FSHR: variants seen among roughly 807,000 people sequenced by gnomAD.
FSHR encodes the protein follicle-stimulating hormone receptor.
FSHR carries 46 observed loss-of-function variants against 52.1 expected under a neutral mutation model. That is an observed-to-expected ratio of 0.88 (90% CI 0.70 to 1.13). The LOEUF is 1.13. Ranked by LOEUF, FSHR falls within the 50% of genes most tolerant of loss-of-function variation. The pLI is 0.00. For synonymous variants in FSHR, 399 were observed against 309.6 expected (o/e 1.29, Z -3.03); for missense variants, 964 against 834.6 (o/e 1.16, Z -1.91).
At chr2:49,118,465 G>A (rs747545282) in intron 1 of FSHR, among the ~76,000 whole-genome samples, 3 of 152,198 alleles carry the variant, frequency 2.0e-5, no homozygotes, top group East Asian at 1.9e-4. Flanking sequence ...CAGTGGGACC[G>A]GAGAGGTGTC....
rs70946839 is a variant in FSHR at position 48,985,697 on chromosome 2, G to GTTTTTTTTTTTTTTT, written c.525-2546_525-2532dup. On this transcript the variant is annotated intron_variant, in intron 6 of 9. Coordinates refer to ENST00000406846, the MANE Select transcript of FSHR (RefSeq NM_000145.4). ...TTCAGTTTCAGGGGAGCAAGTACAG[G>GTTTTTTTTTTTTTTT]TTTTTTTTTTTTTTTTTTTTTTTTT... 1.8e-4 allele frequency among the ~76,000 whole-genome samples: 18 copies of GTTTTTTTTTTTTTTT among 99,540 alleles called. 8 individuals are homozygous for GTTTTTTTTTTTTTTT. Among genetic ancestry groups the GTTTTTTTTTTTTTTT allele is most frequent in the African/African-American group, 6.3e-4 (15 of 23,878 alleles). The allele number at this position is 99,540 out of a possible 152,430, so 65.3% of individuals were successfully genotyped here.
intron 1 of FSHR, among the ~76,000 whole-genome samples, chr2:49,105,177 T>G (rs1242576873): frequency 6.6e-6 from 1 of 152,042 alleles, no homozygotes; most frequent in East Asian, 1.9e-4. Flanking sequence ...ACCAGTGTAA[T>G]CTAGGTTATC....
At chr2:48,999,620 A>T (rs1226760197) in intron 4 of FSHR, among the ~76,000 whole-genome samples, 1 of 152,108 alleles carries the variant, frequency 6.6e-6, no homozygotes, top group Non-Finnish European at 1.5e-5. Flanking sequence ...CCAACTTAGA[A>T]ACTGAGCATT....
intron 1 of FSHR, among the ~76,000 whole-genome samples, chr2:49,112,617 G>T (rs1176243518): frequency 6.6e-6 from 1 of 152,152 alleles, no homozygotes; most frequent in Non-Finnish European, 1.5e-5. Flanking sequence ...AGAAGTAGCA[G>T]ATCACTTTGT....
chr2:49,047,314 A>T (rs1223577539), intron 2 of FSHR, among the ~76,000 whole-genome samples: 1 of 152,244 alleles, frequency 6.6e-6, no homozygotes, highest in Non-Finnish European at 1.5e-5. Context: ...AAAGGAGTAC[A>T]TTTTAAACAA....
Position 49,154,341 on chromosome 2 carries a change from G to C in FSHR, c.77C>G (p.Ser26Cys). ...SGCHHRICHCSNRVFLCQESK... is the reference protein window; with the variant it reads ...SGCHHRICHCCNRVFLCQESK... ...CTCTTGGCAGAGAAAAACCCTGTTA[G>C]AGCAGTGACAGATCCGATGATGACA... The change falls in exon 1 of 10, where the codon TCT becomes TGT. Residue 26 changes from serine (S) to cysteine (C), a missense_variant. Ser to Cys is a moderately radical substitution (Grantham distance 112). Coordinates refer to ENST00000406846, the MANE Select transcript of FSHR (RefSeq NM_000145.4). 1 of 1,613,854 alleles carries C rather than the reference G, an allele frequency of 6.2e-7. No individual in the cohort carries two copies. The highest frequency in any genetic ancestry group is 1.1e-5 in the South Asian group (1 of 91,074).
At chr2:49,019,655 A>G (rs1245001822) in intron 3 of FSHR, among the ~76,000 whole-genome samples, 3 of 152,210 alleles carry the variant, frequency 2.0e-5, no homozygotes, top group Non-Finnish European at 4.4e-5. Flanking sequence ...CAGATGAGAA[A>G]ACTGAGTCTC....
Position 48,968,294 on chromosome 2 carries a change from TA to T in FSHR, c.854+403del, listed in dbSNP as rs1436689401. On this transcript the variant is annotated intron_variant, in intron 9 of 9. Transcript: ENST00000406846. ...GTACATCAGTCTCTGGCATGGCATTTATGCATCTCCCCACCAAAGATGACAC... is the reference window on the plus strand; with the variant it reads ...GTACATCAGTCTCTGGCATGGCATTTTGCATCTCCCCACCAAAGATGACAC... Among the ~76,000 whole-genome samples, 3 of 152,334 alleles carry T rather than the reference TA, an allele frequency of 2.0e-5. No individual in the cohort carries two copies. The East Asian group carries it at 5.8e-4, about 29-fold the overall frequency.
chr2:49,082,536 T>C (rs901961141), intron 1 of FSHR, among the ~76,000 whole-genome samples: 24 of 151,616 alleles, frequency 1.6e-4, no homozygotes, highest in Non-Finnish European at 2.9e-4. Flanking sequence ...CTTCAGACGA[T>C]CAAATTACTC....
chr2:49,038,136 A>G (rs1668338210), intron 2 of FSHR, among the ~76,000 whole-genome samples: 1 of 152,184 alleles, frequency 6.6e-6, no homozygotes, highest in Admixed American at 6.5e-5. Flanking sequence ...ATAGTTCAGG[A>G]GGAATAAAGA....
intron 1 of FSHR, among the ~76,000 whole-genome samples, chr2:49,143,879 G>T (rs1672777976): frequency 6.6e-6 from 1 of 152,088 alleles, no homozygotes; most frequent in Non-Finnish European, 1.5e-5. Context: ...TGGAGGCACT[G>T]GTATCTCTAG....
At chr2:48,964,027 C>G (rs1446091174) in intron 9 of FSHR, 61 bp from the exon 10 acceptor site, 1 of 1,513,058 alleles carries the variant, frequency 6.6e-7, no homozygotes, top group African/African-American at 1.4e-5. Flanking sequence ...AAATACATCA[C>G]TGTCTTTGTG....
rs539595155 is a variant in FSHR at position 48,962,211 on chromosome 2, G to A, written c.*522C>T. ...TGTATTTCAGCCTATCCACACTGAC[G>A]CATTACAAAGGCTTCAGATGGGTGT... On this transcript the variant is annotated 3_prime_UTR_variant, in exon 10 of 10. Transcript: ENST00000406846. The A allele has an allele frequency of 4.3e-5, 8 of 186,324 alleles. No individual in the cohort carries two copies. The highest frequency in any genetic ancestry group is 1.6e-4 in the Admixed American group (3 of 18,560). The allele number at this position is 186,324 out of a possible 1,614,324, so 11.5% of individuals were successfully genotyped here.
At chr2:49,008,967 C>T (rs913589290) in intron 4 of FSHR, among the ~76,000 whole-genome samples, 59 of 152,062 alleles carry the variant, frequency 3.9e-4, no homozygotes, top group African/African-American at 9.9e-4. Flanking sequence ...TTTTCTCCCA[C>T]TTTGTAGGTT....
chr2:49,004,586 C>G (rs1340684551), intron 4 of FSHR, among the ~76,000 whole-genome samples: 5 of 152,154 alleles, frequency 3.3e-5, no homozygotes, highest in Non-Finnish European at 7.4e-5. Flanking sequence ...AGAGGATTTT[C>G]TATTTTCCTC....
intron 1 of FSHR, among the ~76,000 whole-genome samples, chr2:49,127,281 T>C (rs900954672): frequency 6.6e-6 from 1 of 151,248 alleles, no homozygotes; most frequent in Non-Finnish European, 1.5e-5. Flanking sequence ...TGAACTGAGA[T>C]TGTACCACTG....
At chr2:49,094,981 C>T (rs1475633767) in intron 1 of FSHR, among the ~76,000 whole-genome samples, 1 of 151,816 alleles carries the variant, frequency 6.6e-6, no homozygotes, top group Non-Finnish European at 1.5e-5. Flanking sequence ...CCTTATAGAA[C>T]AAAAAGGATT....
chr2:49,076,330 G>A (rs954031657), intron 1 of FSHR, among the ~76,000 whole-genome samples: 2 of 152,178 alleles, frequency 1.3e-5, no homozygotes, highest in Non-Finnish European at 2.9e-5. Context: ...TGTTCTACAT[G>A]GATGGCAGCA....
intron 1 of FSHR, among the ~76,000 whole-genome samples, chr2:49,081,370 A>G (rs1023841679): frequency 2.0e-4 from 31 of 152,246 alleles, no homozygotes; most frequent in African/African-American, 6.7e-4. Context: ...AAACTAAGCA[A>G]TTATGACCAA....
Sources: allele counts gnomAD v4.1 joint callset (sites outside exome capture counted in the v4.1 genomes callset), GRCh38; gene constraint gnomAD v4.1.1; transcripts MANE v1.5; gene names NCBI Gene and HGNC (gene_info 2026-07-23, HGNC 2026-07-21).